Variants in GABRG3 observed in about 807,000 individuals in gnomAD.
GABRG3 encodes the protein gamma-aminobutyric acid type A receptor subunit gamma3, also known as gamma-aminobutyric acid receptor subunit gamma-3.
Under a neutral mutation model 48.8 loss-of-function variants are expected in GABRG3, and 25 were observed. That is an observed-to-expected ratio of 0.51 (90% CI 0.37 to 0.72). The LOEUF is 0.72. GABRG3 is among the 30% of genes least tolerant of loss of function. The pLI, the probability that GABRG3 is intolerant of heterozygous loss-of-function variation, is 0.00. For synonymous variants in GABRG3, 227 were observed against 217.6 expected, an observed-to-expected ratio of 1.04 and a Z score of -0.38; for missense variants, 394 against 577.9, an observed-to-expected ratio of 0.68 and a Z score of 3.26.
chr15:27,167,972 C>G (rs372395465), intron 3 of GABRG3, among the ~76,000 whole-genome samples: 2 of 152,102 alleles, frequency 1.3e-5, no homozygotes, highest in African/African-American at 4.8e-5. Context: ...GCCCGCTAGG[C>G]GAGCAGAAGT....
At chr15:27,248,193 A>G (rs1446015132) in intron 3 of GABRG3, among the ~76,000 whole-genome samples, 1 of 152,198 alleles carries the variant, frequency 6.6e-6, no homozygotes, top group African/African-American at 2.4e-5. Flanking sequence ...TCTTGCCTGC[A>G]GTTTCTTTCA....
chr15:27,530,397 A>G (rs148178055), intron 9 of GABRG3, among the ~76,000 whole-genome samples: 1,891 of 152,332 alleles, frequency 0.012, 52 homozygotes, highest in African/African-American at 0.044. Context: ...TGAAATTTTC[A>G]TGACAAATGA....
At position 27,036,287 on chromosome 15, in the gene GABRG3, G is replaced by A. The variant is rs77287685; in HGVS notation, c.270+9466G>A. On this transcript the variant is annotated intron_variant, in intron 3 of 9. Coordinates refer to ENST00000615808, the MANE Select transcript of GABRG3 (RefSeq NM_033223.5). ...AGCTTCGACATGAGAGCTCCTAGGC[G>A]CCAGATCACAGGGGAGCCCTGCAGA... 1.4e-4 allele frequency among the ~76,000 whole-genome samples: 22 copies of A among 152,316 alleles called. No individual in the cohort carries two copies. The East Asian group carries it at 3.9e-3, about 27-fold the overall frequency.
chr15:27,062,635 AAAAC>A (rs971838827), intron 3 of GABRG3, among the ~76,000 whole-genome samples: 1 of 151,840 alleles, frequency 6.6e-6, no homozygotes, highest in African/African-American at 2.4e-5. Context: ...ACAAAAACAA[AAAAC>A]AAACAAAGAA....
chr15:27,154,969 G>C (rs1898391808), intron 3 of GABRG3, among the ~76,000 whole-genome samples: 2 of 151,714 alleles, frequency 1.3e-5, no homozygotes, highest in African/African-American at 4.8e-5. Flanking sequence ...GTCAATTTTT[G>C]AGTACTTTTT....
rs747696799 is a variant in GABRG3, at chr15:27,532,832, C to T, written c.1355C>T (p.Ser452Phe). The T allele has an allele frequency of 1.9e-5, 30 of 1,613,902 alleles. No homozygotes were observed. In the East Asian group the frequency reaches 3.8e-4, roughly 20 times the overall value. Residue 452 changes from serine to phenylalanine, a missense_variant, in exon 10 of 10, where the codon TCC (serine) becomes TTC (phenylalanine). Ser to Phe is a radical substitution (Grantham distance 155, BLOSUM62 -2). This residue lies in a region of GABRG3 where 126 missense variants were observed against 155.5 expected (regional missense o/e 0.81). Transcript: ENST00000615808. ...TACTCCCGGGTCTTTTTCCCCACGT[C>T]CTTCCTGCTCTTTAACCTGGTCTAC... The part of the protein sequence containing the change: ...DSYSRVFFPT[S>F]FLLFNLVYWV...
intron 5 of GABRG3, among the ~76,000 whole-genome samples, chr15:27,385,598 A>G (rs764292032): frequency 6.6e-6 from 1 of 152,054 alleles, no homozygotes; most frequent in Non-Finnish European, 1.5e-5. Flanking sequence ...AGAGTGGATC[A>G]TCTTTACTGA....
At chr15:27,373,581 G>C (rs1895484934) in intron 5 of GABRG3, among the ~76,000 whole-genome samples, 1 of 152,026 alleles carries the variant, frequency 6.6e-6, no homozygotes, top group Admixed American at 6.6e-5. Flanking sequence ...TATTAAAAGG[G>C]CTTTTCCAAT....
intron 5 of GABRG3, among the ~76,000 whole-genome samples, chr15:27,348,030 C>G (rs1894433397): frequency 6.6e-6 from 1 of 151,798 alleles, no homozygotes; most frequent in South Asian, 2.1e-4. Context: ...TACCATAAGT[C>G]CTTGCATATG....
intron 6 of GABRG3, among the ~76,000 whole-genome samples, chr15:27,504,350 G>T (rs58576982): frequency 1.3e-5 from 2 of 150,614 alleles, no homozygotes; most frequent in South Asian, 4.2e-4. Flanking sequence ...TTTTATCTTC[G>T]TAGTTACCTT....
At chr15:27,252,984 G>A (rs1418334684) in intron 3 of GABRG3, among the ~76,000 whole-genome samples, 1 of 152,194 alleles carries the variant, frequency 6.6e-6, no homozygotes, top group Non-Finnish European at 1.5e-5. Context: ...CCTTGGCCCC[G>A]ACACCAGCCC....
intron 5 of GABRG3, among the ~76,000 whole-genome samples, chr15:27,437,282 A>G (rs1470887834): frequency 6.6e-6 from 1 of 152,244 alleles, no homozygotes; most frequent in African/African-American, 2.4e-5. Flanking sequence ...TATGTTTTAG[A>G]GTTGCTGAAC....
chr15:27,203,141 G>A (rs1418957480), intron 3 of GABRG3, among the ~76,000 whole-genome samples: 1 of 152,028 alleles, frequency 6.6e-6, no homozygotes, highest in Non-Finnish European at 1.5e-5. Context: ...AAATAATTTT[G>A]TCATCCAAGG....
rs183446798 is a variant in GABRG3, at chr15:27,265,781, T to C, written c.271-61028T>C. 8.6e-3 allele frequency among the ~76,000 whole-genome samples: 1,306 copies of C among 152,260 alleles called. 6 individuals carry two copies. Among genetic ancestry groups the C allele is most frequent in the Non-Finnish European group, 0.014 (963 of 68,016 alleles). On this transcript the variant is annotated intron_variant, in intron 3 of 9. Transcript: ENST00000615808. ...TAAAAGCAGAAGTTTTCAATTTTGA[T>C]GAAGTCCAGTTTATCAATTGTTTTC...
At chr15:27,245,441 G>T (rs368227448) in intron 3 of GABRG3, among the ~76,000 whole-genome samples, 4 of 152,136 alleles carry the variant, frequency 2.6e-5, no homozygotes, top group African/African-American at 9.7e-5. Flanking sequence ...ATATTGAGTT[G>T]TTGAAATTAT....
chr15:27,157,550 C>A (rs1230189715), intron 3 of GABRG3: 1 of 152,138 alleles, frequency 6.6e-6, no homozygotes, highest in South Asian at 2.1e-4. Flanking sequence ...AGATACTTAC[C>A]CTTGTGCTCA....
intron 6 of GABRG3, among the ~76,000 whole-genome samples, chr15:27,487,283 T>C (rs1305895090): frequency 1.3e-5 from 2 of 152,226 alleles, no homozygotes; most frequent in East Asian, 3.8e-4. Flanking sequence ...ATTTAATTAA[T>C]TACTCCTTCC....
intron 3 of GABRG3, among the ~76,000 whole-genome samples, chr15:27,226,184 C>G (rs1248064177): frequency 6.6e-6 from 1 of 152,074 alleles, no homozygotes; most frequent in Non-Finnish European, 1.5e-5. Flanking sequence ...GGATGAGGAC[C>G]TGGCACTCCT....
chr15:27,105,577 G>A (rs1299826026), intron 3 of GABRG3, among the ~76,000 whole-genome samples: 5 of 152,040 alleles, frequency 3.3e-5, no homozygotes, highest in African/African-American at 9.7e-5. Flanking sequence ...TCATGTAATC[G>A]GACTAGAAAT....
Sources: allele counts gnomAD v4.1 joint callset (sites outside exome capture counted in the v4.1 genomes callset), GRCh38; gene constraint gnomAD v4.1.1; regional missense constraint gnomAD v4.1.1; transcripts MANE v1.5; gene names NCBI Gene and HGNC (gene_info 2026-07-23, HGNC 2026-07-21).